The following NAV3 variants were observed in gnomAD, a reference collection of about 807,000 sequenced individuals.
NAV3 encodes neuron navigator 3, also known as pore membrane and/or filament interacting like protein 1.
In NAV3, 87 loss-of-function variants were observed where a neutral mutation model predicts 244.7. The ratio of observed to expected loss-of-function variants is 0.36; its 90% CI spans 0.30 to 0.42. The LOEUF is 0.42. Among genes scored for constraint, NAV3 ranks in the 20% least tolerant of loss-of-function variants. The pLI, the probability that NAV3 is intolerant of heterozygous loss-of-function variation, is 1.00. For missense variants in NAV3, 2,663 were observed against 2,893.3 expected (o/e 0.92, Z 1.83); for synonymous variants, 1,126 against 1,042.2 (o/e 1.08, Z -1.55).
In NAV3 at chr12:78,037,840, G is replaced by A. The variant is rs184341493; in HGVS notation, c.2024-12153G>A. 3.9e-5 allele frequency among the ~76,000 whole-genome samples: 6 copies of A among 152,222 alleles called. No homozygotes were observed. The East Asian group carries it at 7.7e-4, about 20-fold the overall frequency. On this transcript the variant is annotated intron_variant, in intron 9 of 39. Coordinates refer to ENST00000397909, the MANE Select transcript of NAV3 (RefSeq NM_001024383.2). The stretch of plus-strand genomic sequence containing the variant: ...GAGTTAAGTTTCTTCTGCTGCCTCC[G>A]TGCTACCTGAATAGAAGGCTTCTTC...
At chr12:77,835,514 C>T (rs1874474621) in intron 1 of NAV3, among the ~76,000 whole-genome samples, 1 of 152,132 alleles carries the variant, frequency 6.6e-6, no homozygotes, top group African/African-American at 2.4e-5. Flanking sequence ...AGTGCAAATG[C>T]CATCATTCCA....
intron 2 of NAV3, among the ~76,000 whole-genome samples, chr12:77,815,640 C>A (rs1295830002): frequency 6.6e-6 from 1 of 152,086 alleles, no homozygotes; most frequent in Non-Finnish European, 1.5e-5. Context: ...CATATAATGA[C>A]CACTTTATAT....
At chr12:78,026,462 A>G (rs1316442189) in intron 9 of NAV3, among the ~76,000 whole-genome samples, 1 of 152,082 alleles carries the variant, frequency 6.6e-6, no homozygotes, top group Admixed American at 6.6e-5. Context: ...CTCCTTTTTA[A>G]TGCCTCACAC....
At chr12:78,136,799 T>C (rs1242630264) in intron 18 of NAV3, among the ~76,000 whole-genome samples, 1 of 152,190 alleles carries the variant, frequency 6.6e-6, no homozygotes, top group Non-Finnish European at 1.5e-5. Flanking sequence ...CTTTTTGATT[T>C]TGCTTTTTCC....
chr12:77,996,970 C>T (rs973188603), intron 6 of NAV3, among the ~76,000 whole-genome samples: 5 of 152,124 alleles, frequency 3.3e-5, no homozygotes, highest in Admixed American at 1.3e-4. Context: ...TGGCCAGACA[C>T]GGTGGCTCAC....
At chr12:77,982,668 C>T (rs1258010793) in intron 5 of NAV3, among the ~76,000 whole-genome samples, 1 of 152,144 alleles carries the variant, frequency 6.6e-6, no homozygotes, top group Non-Finnish European at 1.5e-5. Flanking sequence ...TTACGATGCT[C>T]ATGGATTTTG....
chr12:78,204,914 A>C, intron 38 of NAV3, 21 bp from the exon 39 acceptor site: 1 of 1,610,464 alleles, frequency 6.2e-7, no homozygotes, highest in Non-Finnish European at 8.5e-7. Flanking sequence ...TATATATCCT[A>C]AACGCGTGGT....
At chr12:77,872,401 C>T (rs1445503970) in intron 1 of NAV3, among the ~76,000 whole-genome samples, 1 of 151,976 alleles carries the variant, frequency 6.6e-6, no homozygotes, top group Non-Finnish European at 1.5e-5. Flanking sequence ...TTCTGAAAAA[C>T]AAAAGCATTC....
At chr12:78,131,869 AT>A (rs1283055127) in intron 18 of NAV3, among the ~76,000 whole-genome samples, 1 of 152,228 alleles carries the variant, frequency 6.6e-6, no homozygotes, top group African/African-American at 2.4e-5. Flanking sequence ...GTCTTACACG[AT>A]CATAGAGTAG....
intron 34 of NAV3, among the ~76,000 whole-genome samples, chr12:78,190,693 C>T (rs929426301): frequency 6.6e-6 from 1 of 151,954 alleles, no homozygotes; most frequent in Non-Finnish European, 1.5e-5. Flanking sequence ...ATTCTGGGAG[C>T]AGCAATTTGC....
chr12:77,811,505 A>C (rs1221858573), intron 2 of NAV3, among the ~76,000 whole-genome samples: 1 of 152,218 alleles, frequency 6.6e-6, no homozygotes, highest in Non-Finnish European at 1.5e-5. Flanking sequence ...CAAGTTTGAT[A>C]CTAGGCCTTG....
chr12:77,866,187 A>T (rs918041118), intron 1 of NAV3, among the ~76,000 whole-genome samples: 10 of 152,240 alleles, frequency 6.6e-5, no homozygotes, highest in African/African-American at 2.4e-4. Flanking sequence ...TTAAATGATT[A>T]TTCAAAATTG....
At chr12:78,111,276 A>T (rs1955079620) in intron 12 of NAV3, among the ~76,000 whole-genome samples, 1 of 152,142 alleles carries the variant, frequency 6.6e-6, no homozygotes, top group African/African-American at 2.4e-5. Context: ...ATCCAGTATC[A>T]TTCACTGACA....
intron 18 of NAV3, among the ~76,000 whole-genome samples, chr12:78,129,194 G>A (rs568610039): frequency 6.6e-6 from 1 of 152,264 alleles, no homozygotes; most frequent in Non-Finnish European, 1.5e-5. Flanking sequence ...CAGAACATCT[G>A]ACTTTAATCC....
chr12:78,059,238 T>C (rs1028535239), intron 12 of NAV3, 123 bp downstream of exon 12: 2 of 896,686 alleles, frequency 2.2e-6, no homozygotes, highest in African/African-American at 1.8e-5. Flanking sequence ...TAAATAATTA[T>C]TTTATTTTGA....
At chr12:77,986,314 A>G (rs573822892) in intron 5 of NAV3, among the ~76,000 whole-genome samples, 1 of 152,340 alleles carries the variant, frequency 6.6e-6, no homozygotes, top group African/African-American at 2.4e-5. Context: ...GTGAGCCGAG[A>G]TCGTGCCACT....
intron 24 of NAV3, among the ~76,000 whole-genome samples, chr12:78,173,869 CAT>C (rs1219735128): frequency 2.0e-5 from 3 of 151,614 alleles, no homozygotes; most frequent in South Asian, 2.1e-4. Flanking sequence ...TACACACACA[CAT>C]ATATATGTAG....
chr12:77,625,682 C>G (rs951585082), intron 2 of NAV3, among the ~76,000 whole-genome samples: 3 of 152,164 alleles, frequency 2.0e-5, no homozygotes, highest in Non-Finnish European at 4.4e-5. Context: ...ACAGACACCA[C>G]TGGTGCTGAT....
intron 38 of NAV3, among the ~76,000 whole-genome samples, chr12:78,202,679 T>A (rs1216974062): frequency 6.6e-6 from 1 of 151,992 alleles, no homozygotes; most frequent in Non-Finnish European, 1.5e-5. Flanking sequence ...AGTAGGTTAG[T>A]GTGAAAGATG....
Sources: allele counts gnomAD v4.1 joint callset (sites outside exome capture counted in the v4.1 genomes callset), GRCh38; gene constraint gnomAD v4.1.1; transcripts MANE v1.5; gene names NCBI Gene and HGNC (gene_info 2026-07-23, HGNC 2026-07-21).